Variants in GOLT1A observed in about 807,000 individuals in gnomAD.
The protein encoded by GOLT1A is vesicle transport protein GOT1A.
A neutral mutation model predicts 16.1 loss-of-function variants in GOLT1A; 10 were observed. That is an observed-to-expected ratio of 0.62 (90% CI 0.38 to 1.05). The LOEUF (loss-of-function observed/expected upper bound fraction) is 1.05. Among genes scored for constraint, GOLT1A ranks in the 50% least tolerant of loss-of-function variants. The pLI is 0.01. For missense variants in GOLT1A, 137 were observed against 165.7 expected (o/e 0.83, Z 0.95); for synonymous variants, 60 against 67.9 (o/e 0.88, Z 0.57).
chr1:204,207,501 C>T (rs764789751), intron 1 of GOLT1A, among the ~76,000 whole-genome samples: 1 of 152,198 alleles, frequency 6.6e-6, no homozygotes, highest in Admixed American at 6.5e-5. Flanking sequence ...CATGGCCACC[C>T]GATACGGACA....
intron 3 of GOLT1A, among the ~76,000 whole-genome samples, 155 bp downstream of exon 3, chr1:204,201,478 T>C (rs1658960298): frequency 6.6e-6 from 1 of 152,134 alleles, no homozygotes. Context: ...CCCTCCAAAG[T>C]ACCCTTCAGC....
chr1:204,213,806 C>A (rs1473279229), intron 1 of GOLT1A, 76 bp downstream of exon 1: 17 of 1,524,466 alleles, frequency 1.1e-5, no homozygotes, highest in Non-Finnish European at 1.5e-5. Flanking sequence ...TGACAGAGAG[C>A]CCAGCTGGGA....
In GOLT1A at chr1:204,198,203, CATAAAT is replaced by C. The variant is rs1658891797; in HGVS notation, c.*249_*254del. ...GGAATTTAATCTTCACTTTTCCTCCCATAAATATAGAGTGAGGGTGTGATACCAGCC... is the reference window on the plus strand; with the variant it reads ...GGAATTTAATCTTCACTTTTCCTCCCATAGAGTGAGGGTGTGATACCAGCC... On this transcript the variant is annotated 3_prime_UTR_variant, in exon 5 of 5. Transcript: ENST00000308302. 20 of 482,662 alleles carry C rather than the reference CATAAAT, an allele frequency of 4.1e-5. No individual in the cohort carries two copies. The South Asian group carries it at 5.3e-4, about 13-fold the overall frequency. 29.9% of individuals were successfully genotyped at this position (482,662 alleles called of 1,614,324 possible).
intron 1 of GOLT1A, among the ~76,000 whole-genome samples, chr1:204,207,883 C>G (rs957612233): frequency 1.3e-5 from 2 of 152,146 alleles, no homozygotes; most frequent in African/African-American, 4.8e-5. Flanking sequence ...GATATACAAA[C>G]AGCCAACAAA....
At chr1:204,208,343 T>C in intron 1 of GOLT1A, among the ~76,000 whole-genome samples, 2 of 92,182 alleles carry the variant, frequency 2.2e-5, no homozygotes, top group South Asian at 3.3e-4. Context: ...TATACATATA[T>C]ACACACATGT....
intron 1 of GOLT1A, among the ~76,000 whole-genome samples, chr1:204,213,419 C>A (rs912370689): frequency 1.3e-5 from 2 of 152,246 alleles, no homozygotes; most frequent in African/African-American, 4.8e-5. Flanking sequence ...CTCCTCCCTA[C>A]CTCTTCCCCC....
At chr1:204,205,239 T>C (rs1490133610) in intron 1 of GOLT1A, among the ~76,000 whole-genome samples, 2 of 152,232 alleles carry the variant, frequency 1.3e-5, no homozygotes, top group East Asian at 3.8e-4. Flanking sequence ...CATTATCAAA[T>C]CCAGTGCTGT....
At chr1:204,210,719 AC>A (rs902030009) in intron 1 of GOLT1A, among the ~76,000 whole-genome samples, 12 of 152,168 alleles carry the variant, frequency 7.9e-5, no homozygotes, top group African/African-American at 2.6e-4. Flanking sequence ...GAGCCACCAC[AC>A]CCAGCCTCTC....
In GOLT1A at chr1:204,199,209, G is replaced by C. The variant is rs758572801; in HGVS notation, c.346C>G (p.Pro116Ala). Reference protein sequence around the residue: ...FGFLGNVCNIPFLGALFRRLQ... With the variant: ...FGFLGNVCNIAFLGALFRRLQ... ...CATCTGCTTACCGCACCCAGGAAGGGGATGTTGCAGACATTGCCCAGGAAG... is the reference window on the plus strand; with the variant it reads ...CATCTGCTTACCGCACCCAGGAAGGCGATGTTGCAGACATTGCCCAGGAAG... The change falls in exon 4 of 5, where the codon CCC becomes GCC. Residue 116 changes from proline to alanine, a missense_variant. Pro to Ala is a conservative substitution (Grantham distance 27). Transcript: ENST00000308302. The C allele has an allele frequency of 8.7e-6, 14 of 1,600,852 alleles. No homozygotes were observed. Among genetic ancestry groups the C allele is most frequent in the Non-Finnish European group, 1.2e-5 (14 of 1,174,744 alleles).
chr1:204,199,049 A>G (rs1341501717), intron 4 of GOLT1A, 146 bp downstream of exon 4: 1 of 671,712 alleles, frequency 1.5e-6, no homozygotes, highest in African/African-American at 1.8e-5. Flanking sequence ...AGAGGAGCCT[A>G]AAGCACCAAA....
At chr1:204,198,793 A>G in intron 4 of GOLT1A, 1 of 492,828 alleles carries the variant, frequency 2.0e-6, no homozygotes, top group Admixed American at 3.6e-5. Flanking sequence ...CACCTGCAGG[A>G]CAGCTTTTCC....
At chr1:204,212,470 C>T (rs955044737) in intron 1 of GOLT1A, among the ~76,000 whole-genome samples, 1 of 151,968 alleles carries the variant, frequency 6.6e-6, no homozygotes, top group Admixed American at 6.6e-5. Context: ...AACCCCATCT[C>T]TACTAAAAAT....
chr1:204,198,518 A>T, intron 4 of GOLT1A, 22 bp from the exon 5 acceptor site: 3 of 1,610,580 alleles, frequency 1.9e-6, no homozygotes, highest in Non-Finnish European at 2.5e-6. Context: ...AAGAATCATT[A>T]CTCCACACAA....
At chr1:204,203,051 TCCC>T in intron 1 of GOLT1A, 64 bp from the exon 2 acceptor site, 1 of 1,289,620 alleles carries the variant, frequency 7.8e-7, no homozygotes, top group Non-Finnish European at 1.1e-6. Flanking sequence ...CCCTGAAACT[TCCC>T]CCATTGCCAC....
chr1:204,199,167 C>T (rs757111163), intron 4 of GOLT1A, 28 bp downstream of exon 4: 10 of 1,561,818 alleles, frequency 6.4e-6, no homozygotes, highest in East Asian at 2.3e-5. Context: ...AGGGTACGCC[C>T]GCAGGGCTGC....
chr1:204,201,834 T>C, intron 2 of GOLT1A, 23 bp from the exon 3 acceptor site: 1 of 1,610,092 alleles, frequency 6.2e-7, no homozygotes, highest in Non-Finnish European at 8.5e-7. Context: ...GAGGGGAGCA[T>C]GAAGCAAACC....
intron 1 of GOLT1A, among the ~76,000 whole-genome samples, chr1:204,204,724 A>G (rs1309233895): frequency 6.6e-6 from 1 of 152,214 alleles, no homozygotes; most frequent in African/African-American, 2.4e-5. Context: ...TCTATTTTTA[A>G]TTCTTTGAGG....
At chr1:204,198,810 C>T (rs534985448) in intron 4 of GOLT1A, 5 of 490,930 alleles carry the variant, frequency 1.0e-5, no homozygotes, top group African/African-American at 5.8e-5. Context: ...TTCCTGCTGT[C>T]ATCAGCTGTC....
At chr1:204,209,743 C>A (rs1659109446) in intron 1 of GOLT1A, among the ~76,000 whole-genome samples, 1 of 152,194 alleles carries the variant, frequency 6.6e-6, no homozygotes, top group South Asian at 2.1e-4. Flanking sequence ...AGGATTTGAA[C>A]TTAGTCTTGA....
Sources: allele counts gnomAD v4.1 joint callset (sites outside exome capture counted in the v4.1 genomes callset), GRCh38; gene constraint gnomAD v4.1.1; transcripts MANE v1.5; gene names NCBI Gene and HGNC (gene_info 2026-07-23, HGNC 2026-07-21).